RELN: variants seen among roughly 807,000 people sequenced by gnomAD.
RELN encodes the protein reelin.
RELN carries 108 observed loss-of-function variants against 427.6 expected under a neutral mutation model. That is an observed-to-expected ratio of 0.25 (90% CI 0.22 to 0.30). The LOEUF (loss-of-function observed/expected upper bound fraction) is 0.30. Ranked by LOEUF, RELN falls within the 10% of genes least tolerant of loss-of-function variation. The pLI is 1.00. For missense variants in RELN, 3,715 were observed against 4,302.8 expected, an observed-to-expected ratio of 0.86 and a Z score of 3.82; for synonymous variants, 1,524 against 1,513.4, an observed-to-expected ratio of 1.01 and a Z score of -0.16.
rs1442082190 is a variant in RELN at position 103,620,208 on chromosome 7, CT to C, written c.2703-8406del. 1.3e-5 allele frequency among the ~76,000 whole-genome samples: 2 copies of C among 152,170 alleles called. No individual in the cohort carries two copies. The highest frequency in any genetic ancestry group is 2.9e-5 in the Non-Finnish European group (2 of 68,034). ...CTTGACTCTCATTTTGTCTCATCTGCTGCCATGTAAGACGTGCCTTTTGCCT... is the reference window on the plus strand; with the variant it reads ...CTTGACTCTCATTTTGTCTCATCTGCGCCATGTAAGACGTGCCTTTTGCCT... On this transcript the variant is annotated intron_variant, in intron 20 of 64. Transcript: ENST00000428762. This position sits in a 1 kb window ranked among gnomAD's most constrained non-coding sequence, Gnocchi z 4.1.
At chr7:103,552,293 T>C (rs570351643) in intron 40 of RELN, among the ~76,000 whole-genome samples, 1 of 152,310 alleles carries the variant, frequency 6.6e-6, no homozygotes, top group Non-Finnish European at 1.5e-5. Context: ...AACATTTTCT[T>C]ACTATCATGC....
chr7:103,712,478 AT>A (rs1466783636), intron 8 of RELN, among the ~76,000 whole-genome samples: 3 of 152,234 alleles, frequency 2.0e-5, no homozygotes, highest in East Asian at 3.8e-4. Flanking sequence ...TTGAGGTTAG[AT>A]GAATTCTATA....
rs781624304 is a variant in RELN, at chr7:103,661,542, G to A, written c.1290-15C>T. On this transcript the variant is annotated splice_polypyrimidine_tract_variant and intron_variant, in intron 11 of 64. Transcript: ENST00000428762. ...AGACATCCCATCTAAAAAAAAAGGG[G>A]GATTAAGAGTTAGAGTTAGAATATT... The A allele has an allele frequency of 6.8e-6, 11 of 1,612,006 alleles. No individual in the cohort carries two copies. Among genetic ancestry groups the A allele is most frequent in the Admixed American group, 1.7e-5 (1 of 59,910 alleles).
intron 10 of RELN, among the ~76,000 whole-genome samples, chr7:103,696,114 C>T (rs1255996622): frequency 6.6e-6 from 1 of 152,092 alleles, no homozygotes; most frequent in Non-Finnish European, 1.5e-5. Flanking sequence ...TGAGCATTCT[C>T]GATCTTTCTA....
At chr7:103,699,556 T>C (rs1271732439) in intron 9 of RELN, among the ~76,000 whole-genome samples, 1 of 152,122 alleles carries the variant, frequency 6.6e-6, no homozygotes, top group South Asian at 2.1e-4. Flanking sequence ...TATGTTCTAA[T>C]TAAATATGTA....
Position 103,962,176 on chromosome 7 carries a change from G to A in RELN, c.226+26955C>T, listed in dbSNP as rs145865581. Among the ~76,000 whole-genome samples, 448 of 152,184 alleles carry A rather than the reference G, an allele frequency of 2.9e-3. 1 individual carries two copies. Among genetic ancestry groups the A allele is most frequent in the African/African-American group, 0.01 (431 of 41,512 alleles). On this transcript the variant is annotated intron_variant, in intron 1 of 64. Transcript: ENST00000428762. The stretch of plus-strand genomic sequence containing the variant: ...CACCTGTAACAAAACACGCTTCCCT[G>A]TTCCCCGTGCTGAACTCATCCTGTT...
chr7:103,801,765 T>C (rs765028127), intron 3 of RELN, among the ~76,000 whole-genome samples: 6 of 151,702 alleles, frequency 4.0e-5, no homozygotes, highest in Non-Finnish European at 8.8e-5. Flanking sequence ...GCCCCACTAA[T>C]GATAGTACCC....
intron 53 of RELN, among the ~76,000 whole-genome samples, chr7:103,500,387 A>ATAAT (rs1314489316): frequency 1.3e-5 from 2 of 151,956 alleles, no homozygotes; most frequent in Non-Finnish European, 2.9e-5. Flanking sequence ...TTTCATAACA[A>ATAAT]TAATAACAAT....
At chr7:103,678,350 A>G (rs1362635198) in intron 11 of RELN, among the ~76,000 whole-genome samples, 1 of 152,198 alleles carries the variant, frequency 6.6e-6, no homozygotes, top group Non-Finnish European at 1.5e-5. Flanking sequence ...AAGTTCAGAA[A>G]GACTCACATA....
In RELN at chr7:103,589,822, T is replaced by G; in HGVS notation, c.3919A>C (p.Ile1307Leu). 1 of 1,592,266 alleles carries G rather than the reference T, an allele frequency of 6.3e-7. No individual in the cohort carries two copies. Among genetic ancestry groups the G allele is most frequent in the Non-Finnish European group, 8.6e-7 (1 of 1,160,088 alleles). ...CTGCTGAATTGATTGGCACAACCTA[T>G]GTTTAGCTGTTAAAAGGAAGGACAA... Reference protein sequence around the residue: ...PGYVLQFKLNIGCANQFSSTA... With the variant: ...PGYVLQFKLNLGCANQFSSTA... Residue 1307 changes from isoleucine (I) to leucine (L), a missense_variant, in exon 28 of 65, where the codon ATA becomes CTA. Ile to Leu is a conservative substitution (Grantham distance 5, BLOSUM62 2). Coordinates refer to ENST00000428762, the MANE Select transcript of RELN (RefSeq NM_005045.4).
chr7:103,724,630 G>C (rs542831667), intron 7 of RELN, among the ~76,000 whole-genome samples: 2 of 152,072 alleles, frequency 1.3e-5, no homozygotes, highest in African/African-American at 4.8e-5. Context: ...GTGGAATATC[G>C]CCAAATTTCA....
rs373263556 is a variant in RELN, at chr7:103,602,914, C to T, written c.3333+390G>A. On this transcript the variant is annotated intron_variant, in intron 24 of 64. Transcript: ENST00000428762. ...AGAGTTGCTGCCCATAACCTCTAAG[C>T]TCATCCCCTCGTTGCCCCCAGGCCT... is the stretch of plus-strand genomic sequence containing the variant. 5.9e-5 allele frequency among the ~76,000 whole-genome samples: 9 copies of T among 152,074 alleles called. 1 individual carries two copies. Among genetic ancestry groups the T allele is most frequent in the Admixed American group, 4.6e-4 (7 of 15,270 alleles).
chr7:103,813,138 C>G (rs931820146), intron 3 of RELN, among the ~76,000 whole-genome samples: 1 of 152,058 alleles, frequency 6.6e-6, no homozygotes, highest in African/African-American at 2.4e-5. Context: ...GTTTGTTTCC[C>G]TGGAAGGTTA....
chr7:103,816,915 G>A (rs1032881119), intron 3 of RELN, among the ~76,000 whole-genome samples: 1 of 152,040 alleles, frequency 6.6e-6, no homozygotes, highest in Non-Finnish European at 1.5e-5. Flanking sequence ...GCAATGACGC[G>A]ATCTTGGCTC....
chr7:103,655,810 G>A (rs752716795), intron 12 of RELN, among the ~76,000 whole-genome samples: 1 of 152,084 alleles, frequency 6.6e-6, no homozygotes, highest in Non-Finnish European at 1.5e-5. Context: ...GTGTCCCACA[G>A]TGGAACAGGA....
intron 8 of RELN, among the ~76,000 whole-genome samples, chr7:103,714,790 G>A (rs1279374267): frequency 1.7e-4 from 26 of 152,144 alleles, no homozygotes; most frequent in Admixed American, 1.7e-3. Flanking sequence ...AGTCCCAAGT[G>A]ACAGGGATGG....
intron 7 of RELN, 122 bp downstream of exon 7, chr7:103,727,989 T>C (rs568707768): frequency 2.3e-6 from 2 of 860,844 alleles, no homozygotes; most frequent in East Asian, 2.7e-5. Flanking sequence ...ATATTTGTAA[T>C]AGGACTCATA....
chr7:103,777,163 T>A (rs1009927996), intron 3 of RELN, among the ~76,000 whole-genome samples: 1 of 152,178 alleles, frequency 6.6e-6, no homozygotes, highest in Non-Finnish European at 1.5e-5. Context: ...GGAGATTCAC[T>A]ATTTGAAGGA....
At chr7:103,979,444 G>A (rs1343697188) in intron 1 of RELN, among the ~76,000 whole-genome samples, 2 of 152,224 alleles carry the variant, frequency 1.3e-5, no homozygotes, top group African/African-American at 4.8e-5. Flanking sequence ...TTGGAGGCAA[G>A]GGCTGGAAAG....
Sources: allele counts gnomAD v4.1 joint callset (sites outside exome capture counted in the v4.1 genomes callset), GRCh38; gene constraint gnomAD v4.1.1; non-coding constraint Gnocchi (gnomAD v3.1); transcripts MANE v1.5; gene names NCBI Gene and HGNC (gene_info 2026-07-23, HGNC 2026-07-21).